PSD: variants seen among roughly 807,000 people sequenced by gnomAD.
PSD encodes the protein pleckstrin and Sec7 domain containing.
In PSD, 32 loss-of-function variants were observed where a neutral mutation model predicts 91.6. The ratio of observed to expected loss-of-function variants is 0.35; its 90% CI spans 0.26 to 0.47. The LOEUF is 0.47. PSD is among the 20% of genes least tolerant of loss of function. PSD has a pLI of 1.00. For missense variants in PSD, 1,099 were observed against 1,373.9 expected, an observed-to-expected ratio of 0.80 and a Z score of 3.16; for synonymous variants, 532 against 569.3, an observed-to-expected ratio of 0.93 and a Z score of 0.93.
intron 11 of PSD, chr10:102,406,132 T>G (rs2061358152): frequency 6.5e-6 from 1 of 152,720 alleles, no homozygotes; most frequent in African/African-American, 2.4e-5. Flanking sequence ...CCTGCCTCCC[T>G]TGGTCCCCCA....
rs1447358211 is a variant in PSD, at chr10:102,403,194, C to CT, written c.*5dup. On this transcript the variant is annotated 3_prime_UTR_variant, in exon 17 of 17. Transcript: ENST00000020673. This position sits in a 1 kb window ranked among gnomAD's most constrained non-coding sequence, Gnocchi z 6.7. ...CCAGCAGGCACTCCCCACCCTAAAC[C>CT]TCATCTCAGGGCTTCCGCCGCCCAC... 6.5e-7 allele frequency: 1 copy of CT among 1,541,912 alleles called. No homozygotes were observed. The highest frequency in any genetic ancestry group is 1.4e-5 in the African/African-American group (1 of 73,224).
At chr10:102,411,659 T>C (rs1440895359) in intron 8 of PSD, 48 bp downstream of exon 8, 1 of 1,444,288 alleles carries the variant, frequency 6.9e-7, no homozygotes. Flanking sequence ...CCAGCCCATT[T>C]TGCCACTGTG....
In PSD at chr10:102,410,784, GA is replaced by G. The variant is rs2061417411; in HGVS notation, c.2091+73del. The G allele has an allele frequency of 2.7e-6, 2 of 754,206 alleles. No individual in the cohort carries two copies. Among genetic ancestry groups the G allele is most frequent in the African/African-American group, 1.8e-5 (1 of 56,502 alleles). 46.7% of individuals were successfully genotyped at this position (754,206 alleles called of 1,614,324 possible). A position where few individuals can be genotyped will look rare whatever the true frequency, so the allele number is the denominator to read the frequency against. On this transcript the variant is annotated intron_variant, in intron 10 of 16. Transcript: ENST00000020673. This position sits in a 1 kb window ranked among gnomAD's most constrained non-coding sequence, Gnocchi z 6.0. ...CAAGCCCCAGCCCTGCCCTCCCTCC[GA>G]CTCTGGACTCCGTCGCCGACTGGGT...
chr10:102,403,226 C>T lies in PSD; in HGVS notation c.3049G>A (p.Ala1017Thr). The T allele has an allele frequency of 2.5e-6, 4 of 1,585,104 alleles. No homozygotes were observed. Among genetic ancestry groups the T allele is most frequent in the Non-Finnish European group, 3.4e-6 (4 of 1,162,160 alleles). ...CAGGGCTTCCGCCGCCCACTGCCTG[C>T]CCCTGGCCGAGGCTCTGAGCTGTGA... Reference protein sequence around the residue: ...QRHSSEPRPGAGSGRRKP With the variant: ...QRHSSEPRPGTGSGRRKP The change falls in exon 17 of 17, where the codon GCA (alanine) becomes ACA (threonine). Residue 1017 changes from alanine to threonine, a missense_variant. Ala to Thr is a moderately conservative substitution (Grantham distance 58, BLOSUM62 0). Coordinates refer to ENST00000020673, the MANE Select transcript of PSD (RefSeq NM_002779.5). This position sits in a 1 kb window ranked among gnomAD's most constrained non-coding sequence, Gnocchi z 6.7.
intron 3 of PSD, 118 bp from the exon 4 acceptor site, chr10:102,415,347 G>T: frequency 8.1e-7 from 1 of 1,228,412 alleles, no homozygotes; most frequent in Admixed American, 2.6e-5. Flanking sequence ...TCACTGTCTA[G>T]CCACCATTCC....
intron 8 of PSD, among the ~76,000 whole-genome samples, 179 bp from the exon 9 acceptor site, chr10:102,411,295 C>CTATCCCTCTTCTCAGGACT (rs71016377): frequency 3.4e-5 from 5 of 146,798 alleles, no homozygotes; most frequent in Non-Finnish European, 7.4e-5. Context: ...CAGCAAGGAC[C>CTATCCCTCTTCTCAGGACT]CGTCCCTGGC....
At position 102,403,016 on chromosome 10, in the gene PSD, G is replaced by A. The variant is rs2061300272; in HGVS notation, c.*184C>T. ...ATTATCACAAAAAGGGGCTCTCGGA[G>A]GTGCCCCTAGCCTAGGCTCCTGAGG... On this transcript the variant is annotated 3_prime_UTR_variant, in exon 17 of 17. Transcript: ENST00000020673. This position sits in a 1 kb window ranked among gnomAD's most constrained non-coding sequence, Gnocchi z 6.7. 4 of 331,490 alleles carry A rather than the reference G, an allele frequency of 1.2e-5. No individual in the cohort carries two copies. Among genetic ancestry groups the A allele is most frequent in the African/African-American group, 4.3e-5 (2 of 46,410 alleles). 20.5% of individuals were successfully genotyped at this position (331,490 alleles called of 1,614,324 possible). A position where few individuals can be genotyped will look rare whatever the true frequency, so the allele number is the denominator to read the frequency against.
Position 102,409,183 on chromosome 10 carries a change from C to T in PSD, c.2091+1675G>A. On this transcript the variant is annotated intron_variant, in intron 10 of 16. Coordinates refer to ENST00000020673, the MANE Select transcript of PSD (RefSeq NM_002779.5). This position sits in a 1 kb window ranked among gnomAD's most constrained non-coding sequence, Gnocchi z 5.7. ...CCGGACGGCCCGCGGACCGCTCCCC[C>T]GACAGCCAGCGCGAGCGGCGCGGCC... is the stretch of plus-strand genomic sequence containing the variant. 1 of 981,228 alleles carries T rather than the reference C, an allele frequency of 1.0e-6. No homozygotes were observed. Among genetic ancestry groups the T allele is most frequent in the South Asian group, 4.7e-5 (1 of 21,450 alleles). 60.8% of individuals were successfully genotyped at this position (981,228 alleles called of 1,614,324 possible).
Position 102,405,598 on chromosome 10 carries a change from G to A in PSD, c.2136-62C>T. 1 of 1,502,336 alleles carries A rather than the reference G, an allele frequency of 6.7e-7. No homozygotes were observed. 93.1% of individuals were successfully genotyped at this position (1,502,336 alleles called of 1,614,324 possible). Reference sequence around the variant, plus strand: ...GAGCCGCGGCCCCCGCTTCAGTTCTGGCCTCTGCTCGCCCTGGAAAAGCTC... The same window carrying A: ...GAGCCGCGGCCCCCGCTTCAGTTCTAGCCTCTGCTCGCCCTGGAAAAGCTC... On this transcript the variant is annotated intron_variant, in intron 11 of 16. Coordinates refer to ENST00000020673, the MANE Select transcript of PSD (RefSeq NM_002779.5). The surrounding 1 kb of genome is among the most constrained non-coding windows in gnomAD (Gnocchi z 5.4).
upstream of PSD, chr10:102,419,798 T>TA (rs1322033303): frequency 2.4e-5 from 4 of 168,824 alleles, no homozygotes; most frequent in African/African-American, 9.6e-5. This position sits in a 1 kb window ranked among gnomAD's most constrained non-coding sequence, Gnocchi z 4.8. Flanking sequence ...CACGTGGCTC[T>TA]ATCTTTGCAG....
rs1336208485 is a variant in PSD at position 102,416,614 on chromosome 10, C to T, written c.425G>A (p.Gly142Glu). 4 of 1,600,540 alleles carry T rather than the reference C, an allele frequency of 2.5e-6. No individual in the cohort carries two copies. Among genetic ancestry groups the T allele is most frequent in the Non-Finnish European group, 3.4e-6 (4 of 1,173,242 alleles). ...VSPPRPTPAL[G>E]PGSNRKLRLE... ...CCGTAACTTCCGGTTGGAGCCAGGC[C>T]CAAGGGCTGGGGTGGGCCTGGGAGG... is the stretch of plus-strand genomic sequence containing the variant. Residue 142 changes from glycine to glutamate, a missense_variant, in exon 2 of 17, where the codon GGG becomes GAG. By Grantham distance (98) the Gly-to-Glu change is moderately conservative (BLOSUM62 -2). Around this residue, in one of 3 missense-constraint regions of PSD, gnomAD observed 631 missense variants for 728.8 expected, o/e 0.87. Coordinates refer to ENST00000020673, the MANE Select transcript of PSD (RefSeq NM_002779.5). This position sits in a 1 kb window ranked among gnomAD's most constrained non-coding sequence, Gnocchi z 6.0.
rs1009197525 is a variant in PSD, at chr10:102,411,723, T to C, written c.1926A>G (p.Glu642=). The C allele has an allele frequency of 6.2e-7, 1 of 1,613,338 alleles. No individual in the cohort carries two copies. Among genetic ancestry groups the C allele is most frequent in the Non-Finnish European group, 8.5e-7 (1 of 1,179,716 alleles). Residue 642 remains glutamate, a synonymous_variant, in exon 8 of 17, where the codon GAA becomes GAG. Coordinates refer to ENST00000020673, the MANE Select transcript of PSD (RefSeq NM_002779.5). ...FSQRYFQCNP[E]ALSSEDGAHT... is the part of the protein sequence containing the mutation. ...ACTCCTCACCCTCTGAGGACAGGGCTTCAGGATTGCACTGGAAGTATCGCT... is the reference window on the plus strand; with the variant it reads ...ACTCCTCACCCTCTGAGGACAGGGCCTCAGGATTGCACTGGAAGTATCGCT...
chr10:102,416,306 C>A lies in PSD; in HGVS notation c.654+79G>T. 1 of 1,480,326 alleles carries A rather than the reference C, an allele frequency of 6.8e-7. No homozygotes were observed. The highest frequency in any genetic ancestry group is 1.3e-5 in the South Asian group (1 of 79,756). The allele number at this position is 1,480,326 out of a possible 1,614,324, so 91.7% of individuals were successfully genotyped here. ...AGATTAAAGGATTCAGAGTGAACAG[C>A]AGACAAGCCCATGTCTGACAGGAGG... On this transcript the variant is annotated intron_variant, in intron 2 of 16. Coordinates refer to ENST00000020673, the MANE Select transcript of PSD (RefSeq NM_002779.5). This position sits in a 1 kb window ranked among gnomAD's most constrained non-coding sequence, Gnocchi z 6.0.
intron 10 of PSD, among the ~76,000 whole-genome samples, chr10:102,408,032 G>A (rs1332482055): frequency 6.6e-6 from 1 of 152,190 alleles, no homozygotes; most frequent in Non-Finnish European, 1.5e-5. Flanking sequence ...TCCTGGGGTG[G>A]TCAGAAGAGA....
chr10:102,405,472 G>T lies in PSD; in HGVS notation c.2200C>A (p.Arg734=), dbSNP rs368467881. The T allele has an allele frequency of 1.9e-6, 3 of 1,613,922 alleles. No individual in the cohort carries two copies. Among genetic ancestry groups the T allele is most frequent in the African/African-American group, 1.3e-5 (1 of 74,928 alleles). Residue 734 remains arginine, a synonymous_variant, in exon 12 of 17, where the codon CGG becomes AGG. Transcript: ENST00000020673. This position sits in a 1 kb window ranked among gnomAD's most constrained non-coding sequence, Gnocchi z 5.4. The part of the protein sequence containing the change: ...LADPNPKVIK[R]ISGGSGSGSS... The stretch of plus-strand genomic sequence containing the variant: ...CCACTGCCACTGCCCCCGCTGATCC[G>T]CTTGATGACCTTGGGGTTGGGGTCG...
Position 102,405,406 on chromosome 10 carries a change from C to CG in PSD, c.2265_2266insC (p.Ala756ArgfsTer17). ...ACCAGGGCCCCGTGCTTGTAGACGG[C>CG]AGCCCCAGGCTCGGGAGTCAGGTCC... On this transcript the variant is annotated frameshift_variant, in exon 12 of 17. Transcript: ENST00000020673. LOFTEE classifies it high-confidence loss of function. The surrounding 1 kb of genome is among the most constrained non-coding windows in gnomAD (Gnocchi z 5.4). 6.2e-7 allele frequency: 1 copy of CG among 1,613,906 alleles called. No individual in the cohort carries two copies. The highest frequency in any genetic ancestry group is 8.5e-7 in the Non-Finnish European group (1 of 1,180,024).
At position 102,416,645 on chromosome 10, in the gene PSD, C is replaced by A. The variant is rs1280067224; in HGVS notation, c.394G>T (p.Val132Phe). The A allele has an allele frequency of 5.0e-6, 8 of 1,608,526 alleles. No individual in the cohort carries two copies. In the African/African-American group the frequency reaches 9.4e-5, roughly 19 times the overall value. The change falls in exon 2 of 17, where the codon GTT (valine) becomes TTT (phenylalanine). Residue 132 changes from valine to phenylalanine, a missense_variant. Transcript: ENST00000020673. This position sits in a 1 kb window ranked among gnomAD's most constrained non-coding sequence, Gnocchi z 6.0. ...GLSRSWDLGG[V>F]SPPRPTPALG... ...GCTGGGGTGGGCCTGGGAGGAGAAA[C>A]CCCACCCAGATCCCAGCTCCGACTC...
In PSD at chr10:102,404,148, A is replaced by G. The variant is rs892271652; in HGVS notation, c.2701-163T>C. ...CGGATCACGAGGTCAGGAGATCGAG[A>G]CCATCCTGGCTAACACGGTGAAACC... On this transcript the variant is annotated intron_variant, in intron 15 of 16. Coordinates refer to ENST00000020673, the MANE Select transcript of PSD (RefSeq NM_002779.5). This position sits in a 1 kb window ranked among gnomAD's most constrained non-coding sequence, Gnocchi z 5.7. Among the ~76,000 whole-genome samples, 7 of 152,160 alleles carry G rather than the reference A, an allele frequency of 4.6e-5. No homozygotes were observed. Among genetic ancestry groups the G allele is most frequent in the Admixed American group, 1.3e-4 (2 of 15,274 alleles).
At position 102,402,915 on chromosome 10, in the gene PSD, C is replaced by G. The variant is rs922371100; in HGVS notation, c.*285G>C. ...GAAACGGCATCAGGCCTCTCCCACA[C>G]AAAAAAAAAGCATCAAAAGTTCAGG... On this transcript the variant is annotated 3_prime_UTR_variant, in exon 17 of 17. Transcript: ENST00000020673. The G allele has an allele frequency of 9.4e-6, 3 of 319,840 alleles. No homozygotes were observed. Among genetic ancestry groups the G allele is most frequent in the Non-Finnish European group, 1.7e-5 (3 of 175,898 alleles). The allele number at this position is 319,840 out of a possible 1,614,324, so 19.8% of individuals were successfully genotyped here. A position where few individuals can be genotyped will look rare whatever the true frequency, so the allele number is the denominator to read the frequency against.
Sources: gnomAD v4.1 joint callset for allele counts (sites outside exome capture counted in the v4.1 genomes callset) on GRCh38, gnomAD v4.1.1 for gene constraint, gnomAD v4.1.1 regional missense constraint, Gnocchi (gnomAD v3.1) non-coding constraint, MANE v1.5 for transcripts, NCBI Gene and HGNC (gene_info 2026-07-23, HGNC 2026-07-21) for gene names.